STAB1: variants seen among roughly 807,000 people sequenced by gnomAD.
STAB1 encodes the protein stabilin-1.
A neutral mutation model predicts 332.4 loss-of-function variants in STAB1; 250 were observed. That is an observed-to-expected ratio of 0.75 (90% CI 0.68 to 0.84). The LOEUF (loss-of-function observed/expected upper bound fraction) is 0.84. Ranked by LOEUF, STAB1 falls within the 40% of genes least tolerant of loss-of-function variation. The probability of loss-of-function intolerance (pLI) is 0.00; values close to 1 mark genes in which losing one functional copy is unlikely to be tolerated. For synonymous variants in STAB1, 1,475 were observed against 1,390.4 expected (o/e 1.06, Z -1.35); for missense variants, 3,249 against 3,489.7 (o/e 0.93, Z 1.74).
Position 52,521,893 on chromosome 3 carries a change from T to C in STAB1, c.6213T>C (p.Arg2071=), listed in dbSNP as rs778878721. The change falls in exon 58 of 69, where the codon CGT becomes CGC. Residue 2071 remains arginine, a synonymous_variant. Coordinates refer to ENST00000321725, the MANE Select transcript of STAB1 (RefSeq NM_015136.3). ...TPPCAPEAVC[R]AGNSCECSLG... ...CCTGTGCACCCGAGGCTGTGTGCCG[T>C]GCAGGCAACAGCTGTGAGTGCAGCC... 6.2e-7 allele frequency: 1 copy of C among 1,608,682 alleles called. No homozygotes were observed. The highest frequency in any genetic ancestry group is 1.7e-5 in the Admixed American group (1 of 59,830).
intron 1 of STAB1, among the ~76,000 whole-genome samples, chr3:52,498,191 C>T (rs545085882): frequency 6.6e-6 from 1 of 152,378 alleles, no homozygotes; most frequent in East Asian, 1.9e-4. Flanking sequence ...AGACTTCACA[C>T]TTCGTGTCTC....
chr3:52,523,012 G>A lies in STAB1; in HGVS notation c.6911-13G>A. The A allele has an allele frequency of 6.3e-7, 1 of 1,584,792 alleles. No homozygotes were observed. Among genetic ancestry groups the A allele is most frequent in the South Asian group, 1.1e-5 (1 of 87,230 alleles). On this transcript the variant is annotated splice_polypyrimidine_tract_variant and intron_variant, in intron 62 of 68. Coordinates refer to ENST00000321725, the MANE Select transcript of STAB1 (RefSeq NM_015136.3). ...CACCAATCTGCTGAGCCACTGACCT[G>A]CTTTTCCTGCAGATGTGGCCTGCCG...
Position 52,503,426 on chromosome 3 carries a change from C to T in STAB1, c.777C>T (p.Cys259=), listed in dbSNP as rs1231281718. The part of the protein sequence containing the change: ...VSPKGQAQCH[C]PENYHGDGMV... ...CCAAGGGGCAGGCTCAGTGTCACTG[C>T]CCTGAGAACTACCATGGCGATGGGA... Residue 259 remains cysteine (C), a synonymous_variant, in exon 8 of 69, where the codon TGC becomes TGT. Transcript: ENST00000321725. 2.5e-6 allele frequency: 4 copies of T among 1,613,780 alleles called. No homozygotes were observed. In the East Asian group the frequency reaches 6.7e-5, roughly 27 times the overall value.
At position 52,496,719 on chromosome 3, in the gene STAB1, C is replaced by T. The variant is rs79202582; in HGVS notation, c.78+1228C>T. 8.6e-3 allele frequency among the ~76,000 whole-genome samples: 1,317 copies of T among 152,338 alleles called. 18 individuals are homozygous for T. The highest frequency in any genetic ancestry group is 0.03 in the African/African-American group (1,249 of 41,562). ...AAGGGAATTTCAAAGGCCTCCGCCA[C>T]CTCCTCATGCTCTGGGCAGTGAGGA... On this transcript the variant is annotated intron_variant, in intron 1 of 68. Transcript: ENST00000321725.
chr3:52,511,810 C>A, intron 26 of STAB1, 65 bp downstream of exon 26: 4 of 1,266,086 alleles, frequency 3.2e-6, no homozygotes, highest in Non-Finnish European at 4.3e-6. Context: ...CTGCAGCTCT[C>A]TCCCTCCCTC....
rs964417554 is a variant in STAB1, at chr3:52,514,151, G to A, written c.3484G>A (p.Ala1162Thr). 6.2e-7 allele frequency: 1 copy of A among 1,613,302 alleles called. No individual in the cohort carries two copies. The highest frequency in any genetic ancestry group is 1.3e-5 in the African/African-American group (1 of 74,926). ...GGTGCCCCAGATTGAGGCTGCCACT[G>A]CCTACACCATCTTTGTGCCCACCAA... ...GLVPQIEAAT[A>T]YTIFVPTNRS... Residue 1162 changes from alanine (A) to threonine (T), a missense_variant, in exon 33 of 69, where the codon GCC becomes ACC. Ala to Thr is a moderately conservative substitution (Grantham distance 58, BLOSUM62 0). Transcript: ENST00000321725.
intron 18 of STAB1, 143 bp downstream of exon 18, chr3:52,506,993 C>CA: frequency 8.8e-7 from 1 of 1,134,350 alleles, no homozygotes; most frequent in Non-Finnish European, 1.2e-6. Context: ...CCCAAGGACC[C>CA]ACCTGTGCTT....
At chr3:52,502,870 C>A (rs1212084816) in intron 6 of STAB1, 129 bp from the exon 7 acceptor site, 1 of 1,218,358 alleles carries the variant, frequency 8.2e-7, no homozygotes. Context: ...TCTGAGACCT[C>A]CACTGTCCAG....
chr3:52,504,357 C>T lies in STAB1; in HGVS notation c.1151-104C>T, dbSNP rs1708686066. The T allele has an allele frequency of 8.7e-6, 12 of 1,385,772 alleles. No individual in the cohort carries two copies. In the Admixed American group the frequency reaches 2.1e-4, roughly 24 times the overall value. The allele number at this position is 1,385,772 out of a possible 1,614,324, so 85.8% of individuals were successfully genotyped here. A position where few individuals can be genotyped will look rare whatever the true frequency, so the allele number is the denominator to read the frequency against. ...ATCTACCCTAAATCTAGGGAGAATA[C>T]CCCCACCCCAACTCCCCCACACCAG... On this transcript the variant is annotated intron_variant, in intron 10 of 68. Coordinates refer to ENST00000321725, the MANE Select transcript of STAB1 (RefSeq NM_015136.3).
intron 22 of STAB1, chr3:52,509,606 G>C: frequency 1.7e-6 from 1 of 593,752 alleles, no homozygotes; most frequent in South Asian, 2.0e-5. Context: ...TAAAGTATGC[G>C]GGACTTAGGT....
At chr3:52,497,200 G>C (rs1022528335) in intron 1 of STAB1, among the ~76,000 whole-genome samples, 6 of 151,886 alleles carry the variant, frequency 4.0e-5, no homozygotes, top group Middle Eastern at 6.8e-3. Flanking sequence ...ATGTTGACCA[G>C]GCTGGTCTGT....
chr3:52,504,697 C>T (rs771368828), intron 11 of STAB1, 42 bp from the exon 12 acceptor site: 1 of 1,613,388 alleles, frequency 6.2e-7, no homozygotes, highest in African/African-American at 1.3e-5. Flanking sequence ...GTGAAGAGGA[C>T]TGGCCCCCCG....
rs770363859 is a variant in STAB1 at position 52,512,400 on chromosome 3, G to A, written c.2943G>A (p.Gly981=). 2.5e-6 allele frequency: 4 copies of A among 1,610,604 alleles called. No individual in the cohort carries two copies. Among genetic ancestry groups the A allele is most frequent in the Non-Finnish European group, 3.4e-6 (4 of 1,178,944 alleles). ...TCTGCACGTGCCCCCCTGGCTTTGGGGGTGATGGCTTCAGCTGTTATGGAG... is the reference window on the plus strand; with the variant it reads ...TCTGCACGTGCCCCCCTGGCTTTGGAGGTGATGGCTTCAGCTGTTATGGAG... The part of the protein sequence containing the change: ...QRVCTCPPGF[G]GDGFSCYGDI... Residue 981 remains glycine, a synonymous_variant, in exon 27 of 69, where the codon GGG becomes GGA. Coordinates refer to ENST00000321725, the MANE Select transcript of STAB1 (RefSeq NM_015136.3).
In STAB1 at chr3:52,512,980, T is replaced by C. The variant is rs764830691; in HGVS notation, c.3158+22T>C. On this transcript the variant is annotated intron_variant, in intron 29 of 68. Transcript: ENST00000321725. ...TCAGGTGGGGCCGCCATTGCCAGGC[T>C]GTGGGAGGGGCTTCCTTGAGGGACC... The C allele has an allele frequency of 2.5e-6, 4 of 1,602,378 alleles. No individual in the cohort carries two copies. The Admixed American group carries it at 6.8e-5, about 27-fold the overall frequency.
Position 52,512,833 on chromosome 3 carries a change from C to G in STAB1, c.3033C>G (p.Ala1011=). Residue 1011 remains alanine (A), a synonymous_variant, in exon 29 of 69, where the codon GCC becomes GCG. Coordinates refer to ENST00000321725, the MANE Select transcript of STAB1 (RefSeq NM_015136.3). The part of the protein sequence containing the change: ...FSIFYQWLKS[A]GITLPADRRV... The stretch of plus-strand genomic sequence containing the variant: ...TGCTCCCTGTGTGCGTGCAGAGTGC[C>G]GGCATCACGCTTCCTGCCGACCGCC... The G allele has an allele frequency of 6.2e-7, 1 of 1,608,808 alleles. No individual in the cohort carries two copies. Among genetic ancestry groups the G allele is most frequent in the Non-Finnish European group, 8.5e-7 (1 of 1,179,770 alleles).
Position 52,520,946 on chromosome 3 carries a change from G to C in STAB1, c.5849G>C (p.Cys1950Ser). ...QGLGRGCHRN[C>S]VTTTWKPSCC... The stretch of plus-strand genomic sequence containing the variant: ...CTGGGCAGGGGCTGCCACCGCAATT[G>C]TGTCACCACCACCTGGAAGCCCAGC... Residue 1950 changes from cysteine to serine, a missense_variant, in exon 55 of 69, where the codon TGT (cysteine) becomes TCT (serine). Cys to Ser is a moderately radical substitution (Grantham distance 112, BLOSUM62 -1). Coordinates refer to ENST00000321725, the MANE Select transcript of STAB1 (RefSeq NM_015136.3). The C allele has an allele frequency of 6.3e-7, 1 of 1,587,524 alleles. No homozygotes were observed. The highest frequency in any genetic ancestry group is 8.6e-7 in the Non-Finnish European group (1 of 1,166,720).
chr3:52,518,670 C>T lies in STAB1; in HGVS notation c.4888-53C>T, dbSNP rs542518039. 19 of 1,611,740 alleles carry T rather than the reference C, an allele frequency of 1.2e-5. No homozygotes were observed. In the East Asian group the frequency reaches 3.6e-4, roughly 30 times the overall value. On this transcript the variant is annotated intron_variant, in intron 47 of 68. Coordinates refer to ENST00000321725, the MANE Select transcript of STAB1 (RefSeq NM_015136.3). The stretch of plus-strand genomic sequence containing the variant: ...GCTGGGTGCTCTGGTGGTGGCCCTG[C>T]GTGGGCTGAGGCGGCAGTCAGGGAC...
Position 52,523,207 on chromosome 3 carries a change from T to C in STAB1, c.7021-15T>C. 1 of 1,612,938 alleles carries C rather than the reference T, an allele frequency of 6.2e-7. No individual in the cohort carries two copies. The highest frequency in any genetic ancestry group is 8.5e-7 in the Non-Finnish European group (1 of 1,179,954). On this transcript the variant is annotated splice_polypyrimidine_tract_variant and intron_variant, in intron 63 of 68. Coordinates refer to ENST00000321725, the MANE Select transcript of STAB1 (RefSeq NM_015136.3). The stretch of plus-strand genomic sequence containing the variant: ...GAGGGAGCCTGCTCATAGTTCTGTC[T>C]TTCCACCGTGCCAGATGCTATTGGG...
Position 52,519,323 on chromosome 3 carries a change from C to T in STAB1, c.5094C>T (p.Asn1698=), listed in dbSNP as rs755402028. 20 of 1,613,034 alleles carry T rather than the reference C, an allele frequency of 1.2e-5. No homozygotes were observed. The Admixed American group carries it at 2.3e-4, about 19-fold the overall frequency. ...RVVSSDHEAV[N]GILHFIDRVL... ...TGAGCAGCGACCATGAGGCCGTGAA[C>T]GGCATCCTGCACTTCATTGACCGTG... is the stretch of plus-strand genomic sequence containing the variant. Residue 1698 remains asparagine (N), a synonymous_variant, in exon 49 of 69, where the codon AAC becomes AAT. Transcript: ENST00000321725.
Sources: allele counts gnomAD v4.1 joint callset (sites outside exome capture counted in the v4.1 genomes callset), GRCh38; gene constraint gnomAD v4.1.1; transcripts MANE v1.5; gene names NCBI Gene and HGNC (gene_info 2026-07-23, HGNC 2026-07-21).